The following MFSD11 variants were observed in gnomAD, a reference collection of about 807,000 sequenced individuals.
MFSD11 encodes the protein major facilitator superfamily domain containing 11.
In MFSD11, 36 loss-of-function variants were observed where a neutral mutation model predicts 53.5. That is an observed-to-expected ratio of 0.67 (90% CI 0.52 to 0.89). The LOEUF is 0.89. Among genes scored for constraint, MFSD11 ranks in the 40% least tolerant of loss-of-function variants. The pLI is 0.00. For synonymous variants in MFSD11, 186 were observed against 184.9 expected (o/e 1.01, Z -0.05); for missense variants, 530 against 543.9 (o/e 0.97, Z 0.25).
At position 76,771,332 on chromosome 17, in the gene MFSD11, G is replaced by T. The variant is rs182427421; in HGVS notation, c.874+1461G>T. On this transcript the variant is annotated intron_variant, in intron 10 of 12. Transcript: ENST00000685175. The stretch of plus-strand genomic sequence containing the variant: ...AGGATTTCTGTGCCAAGAACTAGCA[G>T]CAAAGACCAAATATGTATTTTTATT... 7.9e-4 allele frequency among the ~76,000 whole-genome samples: 120 copies of T among 152,298 alleles called. No individual in the cohort carries two copies. In the South Asian group the frequency reaches 0.013, roughly 16 times the overall value.
chr17:76,772,569 G>A (rs1368943127), intron 10 of MFSD11, among the ~76,000 whole-genome samples: 1 of 148,498 alleles, frequency 6.7e-6, no homozygotes, highest in African/African-American at 2.5e-5. Context: ...CCAGGCTGGG[G>A]TGCAGTGGCT....
At chr17:76,796,209 A>T in the MFSD11 span, among the ~76,000 whole-genome samples, 3 of 151,858 alleles carry the variant, frequency 2.0e-5, no homozygotes, top group African/African-American at 7.3e-5. Context: ...CCTTCCTTCT[A>T]TCCAAATCCT....
At chr17:76,783,360 C>G (rs1010854271), downstream of MFSD11, among the ~76,000 whole-genome samples, 8 of 151,958 alleles carry the variant, frequency 5.3e-5, no homozygotes, top group Non-Finnish European at 1.2e-4. Flanking sequence ...TGGCTTAGAC[C>G]TTGAGCAACG....
chr17:76,751,685 C>T (rs2079062696), intron 7 of MFSD11, among the ~76,000 whole-genome samples: 1 of 137,950 alleles, frequency 7.2e-6, no homozygotes, highest in Admixed American at 7.6e-5. Flanking sequence ...GATGACAGAG[C>T]AAGACTCGGT....
chr17:76,754,114 A>G, intron 8 of MFSD11, 27 bp downstream of exon 8: 1 of 1,569,432 alleles, frequency 6.4e-7, no homozygotes, highest in East Asian at 2.3e-5. Flanking sequence ...TCTGAAATGC[A>G]AGAACTGTTC....
At chr17:76,763,271 GT>G (rs1000896502) in intron 8 of MFSD11, among the ~76,000 whole-genome samples, 10 of 144,360 alleles carry the variant, frequency 6.9e-5, no homozygotes, top group African/African-American at 5.0e-5. Context: ...TTTGTTTTTT[GT>G]TTTTTTTTTT....
At chr17:76,767,542 G>A in intron 9 of MFSD11, 91 bp downstream of exon 9, 1 of 797,406 alleles carries the variant, frequency 1.3e-6, no homozygotes, top group Non-Finnish European at 2.1e-6. Flanking sequence ...ACAATTCTGT[G>A]CAGTGACTGG....
At chr17:76,767,589 G>A (rs2080970614) in intron 9 of MFSD11, 138 bp downstream of exon 9, 2 of 582,714 alleles carry the variant, frequency 3.4e-6, no homozygotes, top group Non-Finnish European at 6.0e-6. Flanking sequence ...GTCACTTGGG[G>A]TCTCTTGTGG....
At chr17:76,792,839 C>T in the MFSD11 span, among the ~76,000 whole-genome samples, 63 of 151,316 alleles carry the variant, frequency 4.2e-4, 2 homozygotes, top group Non-Finnish European at 6.9e-4. Flanking sequence ...AAGCATCCGC[C>T]GGGTTGAGAA....
At chr17:76,737,303 C>A (rs577138635), upstream of MFSD11, 2 of 1,199,002 alleles carry the variant, frequency 1.7e-6, no homozygotes, top group Non-Finnish European at 1.1e-6. Flanking sequence ...CGGACGGGCT[C>A]CGCAGGCTAG....
chr17:76,800,463 C>T, the MFSD11 span, among the ~76,000 whole-genome samples: 1 of 152,158 alleles, frequency 6.6e-6, no homozygotes, highest in Admixed American at 6.6e-5. Context: ...AAACAGCCTT[C>T]TCCTTTGTGC....
intron 2 of MFSD11, among the ~76,000 whole-genome samples, chr17:76,739,831 T>C (rs929665885): frequency 3.9e-5 from 6 of 152,188 alleles, no homozygotes; most frequent in Non-Finnish European, 8.8e-5. Context: ...AAGTGATTAG[T>C]AGCACAGCTT....
In MFSD11 at chr17:76,762,514, A is replaced by G. The variant is rs576276571; in HGVS notation, c.683-4872A>G. On this transcript the variant is annotated intron_variant, in intron 8 of 12. Transcript: ENST00000685175. ...ACCCCGTCTCTACTAAAAATACAAAAAAATTAGCCAGGCGTAGTGGCGGGC... is the reference window on the plus strand; with the variant it reads ...ACCCCGTCTCTACTAAAAATACAAAGAAATTAGCCAGGCGTAGTGGCGGGC... Among the ~76,000 whole-genome samples, 121 of 152,280 alleles carry G rather than the reference A, an allele frequency of 7.9e-4. No homozygotes were observed. The South Asian group carries it at 0.013, about 16-fold the overall frequency.
the MFSD11 span, among the ~76,000 whole-genome samples, chr17:76,789,330 T>G: frequency 4.7e-5 from 7 of 149,518 alleles, no homozygotes; most frequent in African/African-American, 7.4e-5. Context: ...GGGCAGGCTG[T>G]CTGCATGCAC....
the MFSD11 span, among the ~76,000 whole-genome samples, chr17:76,802,659 A>G: frequency 8.0e-3 from 1,215 of 152,290 alleles, 13 homozygotes; most frequent in African/African-American, 0.028. Flanking sequence ...CAGGCAAATC[A>G]CTTAAGGTCA....
rs1159131964 is a variant in MFSD11, at chr17:76,759,756, C to CTTTTTTTTTTTTTTT, written c.682+5685_682+5699dup. Among the ~76,000 whole-genome samples the CTTTTTTTTTTTTTTT allele has an allele frequency of 6.7e-4, 18 of 27,018 alleles. 1 individual carries two copies. The highest frequency in any genetic ancestry group is 9.7e-4 in the East Asian group (1 of 1,036). 17.7% of individuals were successfully genotyped at this position (27,018 alleles called of 152,430 possible). A position where few individuals can be genotyped will look rare whatever the true frequency, so the allele number is the denominator to read the frequency against. Reference sequence around the variant, plus strand: ...ACAGGTGTGAGCCACCGTGACCGGCCTTTTTTTTTTTTTTTTTTTTTTTTT... The same window carrying CTTTTTTTTTTTTTTT: ...ACAGGTGTGAGCCACCGTGACCGGCCTTTTTTTTTTTTTTTTTTTTTTTTTTTTTTTTTTTTTTTT... On this transcript the variant is annotated intron_variant, in intron 8 of 12. Transcript: ENST00000685175.
At position 76,754,112 on chromosome 17, in the gene MFSD11, G is replaced by A. The variant is rs140019512; in HGVS notation, c.682+25G>A. On this transcript the variant is annotated intron_variant, in intron 8 of 12. Coordinates refer to ENST00000685175, the MANE Select transcript of MFSD11 (RefSeq NM_001242532.5). Reference sequence around the variant, plus strand: ...AGTAAGTATTTTCTGTATCTGAAATGCAAGAACTGTTCAGGAACAACTCGG... The same window carrying A: ...AGTAAGTATTTTCTGTATCTGAAATACAAGAACTGTTCAGGAACAACTCGG... The A allele has an allele frequency of 1.8e-5, 28 of 1,583,856 alleles. No homozygotes were observed. In the East Asian group the frequency reaches 5.4e-4, roughly 31 times the overall value.
chr17:76,785,938 G>A, downstream of MFSD11, among the ~76,000 whole-genome samples: 1 of 151,586 alleles, frequency 6.6e-6, no homozygotes, highest in Admixed American at 6.6e-5. Context: ...AATTAGCTGG[G>A]CATGGTGGTG....
intron 2 of MFSD11, among the ~76,000 whole-genome samples, chr17:76,740,305 G>A (rs2077942184): frequency 6.6e-6 from 1 of 152,114 alleles, no homozygotes; most frequent in Admixed American, 6.5e-5. Context: ...CTTTGAAATG[G>A]TTTTAACCAC....
Sources: gnomAD v4.1 joint callset for allele counts (sites outside exome capture counted in the v4.1 genomes callset) on GRCh38, gnomAD v4.1.1 for gene constraint, MANE v1.5 for transcripts, NCBI Gene and HGNC (gene_info 2026-07-23, HGNC 2026-07-21) for gene names.